The following FNDC3A variants were observed in gnomAD, a reference collection of about 807,000 sequenced individuals.
The protein encoded by FNDC3A is fibronectin type III domain containing 3A, also known as fibronectin type-III domain-containing protein 3A.
In FNDC3A, 32 loss-of-function variants were observed where a neutral mutation model predicts 148.9. The observed-to-expected ratio is 0.21, with a 90% CI of 0.16 to 0.29. The LOEUF is 0.29. FNDC3A is among the 10% of genes least tolerant of loss of function. The pLI, the probability that FNDC3A is intolerant of heterozygous loss-of-function variation, is 1.00. For synonymous variants in FNDC3A, 472 were observed against 473.6 expected (o/e 1.00, Z 0.04); for missense variants, 1,191 against 1,452.8 (o/e 0.82, Z 2.93).
rs141910899 is a variant in FNDC3A, at chr13:49,140,767, A to G, written c.819+1962A>G. Among the ~76,000 whole-genome samples the G allele has an allele frequency of 9.1e-4, 138 of 152,376 alleles. 2 individuals carry two copies. Among genetic ancestry groups the G allele is most frequent in the Admixed American group, 7.2e-3 (110 of 15,310 alleles). On this transcript the variant is annotated intron_variant, in intron 7 of 25. Transcript: ENST00000492622. Reference sequence around the variant, plus strand: ...GCCACAAGGCTTAGTTCAGTAAACTAAGCATCACACAATGAATGTTAAATT... The same window carrying G: ...GCCACAAGGCTTAGTTCAGTAAACTGAGCATCACACAATGAATGTTAAATT...
chr13:49,159,688 T>A (rs555094351), intron 8 of FNDC3A, among the ~76,000 whole-genome samples: 24 of 152,322 alleles, frequency 1.6e-4, no homozygotes, highest in African/African-American at 5.5e-4. Flanking sequence ...GGCATCCCTG[T>A]CTTGTGCCAG....
intron 17 of FNDC3A, among the ~76,000 whole-genome samples, chr13:49,189,421 T>C (rs937553015): frequency 2.0e-5 from 3 of 152,114 alleles, no homozygotes; most frequent in Admixed American, 2.0e-4. Context: ...GACTTCGTGA[T>C]CCACCGGCCT....
At chr13:49,042,024 G>A (rs374035849) in intron 2 of FNDC3A, among the ~76,000 whole-genome samples, 258 of 151,890 alleles carry the variant, frequency 1.7e-3, no homozygotes, top group African/African-American at 6.1e-3. Context: ...TATGTGAGGG[G>A]TATATATACC....
chr13:48,988,672 T>C (rs565015466), intron 1 of FNDC3A, among the ~76,000 whole-genome samples: 20 of 151,888 alleles, frequency 1.3e-4, no homozygotes, highest in African/African-American at 4.3e-4. Context: ...CAAGACCTTG[T>C]TTTTACTAAA....
At chr13:49,070,740 ATTCTC>A (rs1290803320) in intron 2 of FNDC3A, among the ~76,000 whole-genome samples, 1 of 152,104 alleles carries the variant, frequency 6.6e-6, no homozygotes, top group East Asian at 1.9e-4. Context: ...CCACGATTCT[ATTCTC>A]TACGTCCTTT....
At chr13:49,174,300 G>A in intron 11 of FNDC3A, 135 bp from the exon 12 acceptor site, 1 of 618,438 alleles carries the variant, frequency 1.6e-6, no homozygotes, top group Admixed American at 3.0e-5. Flanking sequence ...AAGATGTGCT[G>A]TATCTCAGCC....
intron 8 of FNDC3A, among the ~76,000 whole-genome samples, chr13:49,158,983 CTG>C (rs1261086288): frequency 1.3e-5 from 2 of 152,166 alleles, no homozygotes; most frequent in Non-Finnish European, 2.9e-5. Flanking sequence ...GTCTACATCT[CTG>C]TTTTCTTACC....
intron 2 of FNDC3A, among the ~76,000 whole-genome samples, chr13:49,007,129 T>G (rs1447061507): frequency 6.6e-6 from 1 of 152,078 alleles, no homozygotes; most frequent in African/African-American, 2.4e-5. Flanking sequence ...TGCTCCTAAC[T>G]GTTACTCATA....
intron 4 of FNDC3A, among the ~76,000 whole-genome samples, chr13:49,127,046 C>T (rs1251713881): frequency 6.6e-6 from 1 of 152,166 alleles, no homozygotes; most frequent in Non-Finnish European, 1.5e-5. Context: ...CAGTTATGTG[C>T]TCTGCTTCTC....
At chr13:49,044,964 C>CT (rs908650594) in intron 2 of FNDC3A, 4 of 311,244 alleles carry the variant, frequency 1.3e-5, no homozygotes, top group Non-Finnish European at 2.5e-5. Context: ...AGCATGTATT[C>CT]TTTTCACAAA....
At chr13:49,050,657 C>T (rs1446162017) in intron 2 of FNDC3A, among the ~76,000 whole-genome samples, 1 of 152,072 alleles carries the variant, frequency 6.6e-6, no homozygotes, top group African/African-American at 2.4e-5. Context: ...CTGTTAAGTC[C>T]ATTTGTTGTA....
At chr13:49,077,630 G>T (rs1347399324) in intron 3 of FNDC3A, among the ~76,000 whole-genome samples, 2 of 152,156 alleles carry the variant, frequency 1.3e-5, no homozygotes, top group East Asian at 3.9e-4. Context: ...GCCTGCGACA[G>T]GCCCCGGGCC....
At position 49,006,224 on chromosome 13, in the gene FNDC3A, C is replaced by G; in HGVS notation, c.34C>G (p.Gln12Glu). 6.2e-7 allele frequency: 1 copy of G among 1,608,862 alleles called. No homozygotes were observed. The highest frequency in any genetic ancestry group is 8.5e-7 in the Non-Finnish European group (1 of 1,176,012). Residue 12 changes from glutamine (Q) to glutamate (E), a missense_variant, in exon 2 of 26, where the codon CAG (glutamine) becomes GAG (glutamate). Transcript: ENST00000492622. ...AEHPPLLDTT[Q>E]ILSSDISLLS... ...ACATCCACCACTACTGGATACAACT[C>G]AGATCTTAAGTAGTGATATTTCTCT...
At chr13:49,127,624 G>T (rs574057045) in intron 4 of FNDC3A, among the ~76,000 whole-genome samples, 5 of 152,032 alleles carry the variant, frequency 3.3e-5, no homozygotes, top group Admixed American at 3.3e-4. Context: ...CTTCTGCCTC[G>T]CTTGGTCATC....
chr13:49,109,429 ACTTT>A (rs1282676290), intron 3 of FNDC3A, among the ~76,000 whole-genome samples: 1 of 152,200 alleles, frequency 6.6e-6, no homozygotes, highest in Non-Finnish European at 1.5e-5. Flanking sequence ...ACCAAAATTC[ACTTT>A]CTTTCCACTG....
chr13:49,174,049 G>A (rs1023472028), intron 11 of FNDC3A, among the ~76,000 whole-genome samples: 1 of 152,092 alleles, frequency 6.6e-6, no homozygotes, highest in Non-Finnish European at 1.5e-5. Flanking sequence ...TCTTAAAACT[G>A]TCTGCTTAGA....
chr13:49,071,640 AT>A (rs925915019), intron 2 of FNDC3A, among the ~76,000 whole-genome samples: 5 of 151,002 alleles, frequency 3.3e-5, no homozygotes, highest in African/African-American at 1.2e-4. Flanking sequence ...AATGTTGAGC[AT>A]TTTTTTATAT....
Position 49,131,034 on chromosome 13 carries a change from G to C in FNDC3A, c.253-103G>C, listed in dbSNP as rs541475089. ...ACCTGCCTCAGCCTCCCAAAGTGCT[G>C]GGACTAGAGGCATGAGCTACCGTGC... On this transcript the variant is annotated intron_variant, in intron 4 of 25. Transcript: ENST00000492622. The C allele has an allele frequency of 1.7e-4, 144 of 842,378 alleles. 1 individual carries two copies. The East Asian group carries it at 3.6e-3, about 21-fold the overall frequency. 52.2% of individuals were successfully genotyped at this position (842,378 alleles called of 1,614,324 possible).
intron 2 of FNDC3A, among the ~76,000 whole-genome samples, chr13:49,059,919 C>G (rs1207744535): frequency 4.6e-5 from 7 of 152,154 alleles, no homozygotes; most frequent in Non-Finnish European, 2.9e-5. Flanking sequence ...AGAAAAGATG[C>G]TCAACATCAT....
Sources: allele counts gnomAD v4.1 joint callset (sites outside exome capture counted in the v4.1 genomes callset), GRCh38; gene constraint gnomAD v4.1.1; transcripts MANE v1.5; gene names NCBI Gene and HGNC (gene_info 2026-07-23, HGNC 2026-07-21).